Variants in KCNQ1 observed in about 807,000 individuals in gnomAD.
KCNQ1 encodes potassium voltage-gated channel subfamily Q member 1.
In KCNQ1, 49 loss-of-function variants were observed where a neutral mutation model predicts 72.4. The ratio of observed to expected loss-of-function variants is 0.68; its 90% CI spans 0.54 to 0.86. KCNQ1 has a LOEUF of 0.86. Ranked by LOEUF, KCNQ1 falls within the 40% of genes least tolerant of loss-of-function variation. KCNQ1 has a pLI of 0.00. For missense variants in KCNQ1, 790 were observed against 945.1 expected, an observed-to-expected ratio of 0.84 and a Z score of 2.15; for synonymous variants, 450 against 412.6, an observed-to-expected ratio of 1.09 and a Z score of -1.10.
chr11:2,532,592 T>G (rs1247608235), intron 2 of KCNQ1, among the ~76,000 whole-genome samples: 1 of 151,870 alleles, frequency 6.6e-6, no homozygotes, highest in Non-Finnish European at 1.5e-5. Flanking sequence ...GACTGAGGCG[T>G]GGGCTCTGGG....
intron 15 of KCNQ1, among the ~76,000 whole-genome samples, chr11:2,796,416 C>T (rs1013578732): frequency 1.3e-5 from 2 of 152,212 alleles, no homozygotes; most frequent in African/African-American, 4.8e-5. Context: ...AAGCACCCAT[C>T]GCTTTCCTCT....
rs371956290 is a variant in KCNQ1, at chr11:2,572,075, G to A, written c.746G>A (p.Arg249Lys). ...LHVDRQGGTW[R>K]LLGSVVFIHR... is the part of the protein sequence containing the mutation. ...GTCGACCGCCAGGGAGGCACCTGGA[G>A]GCTCCTGGGCTCCGTGGTCTTCATC... Residue 249 changes from arginine (R) to lysine (K), a missense_variant, in exon 5 of 16, where the codon AGG becomes AAG. Physicochemically the swap from Arg to Lys is conservative, Grantham distance 26. Coordinates refer to ENST00000155840, the MANE Select transcript of KCNQ1 (RefSeq NM_000218.3). 2.5e-6 allele frequency: 4 copies of A among 1,612,792 alleles called. No individual in the cohort carries two copies. The highest frequency in any genetic ancestry group is 2.5e-6 in the Non-Finnish European group (3 of 1,179,876).
rs1215839595 is a variant in KCNQ1, at chr11:2,620,882, T to C, written c.1393+32028T>C. On this transcript the variant is annotated intron_variant, in intron 10 of 15. Transcript: ENST00000155840. The surrounding 1 kb of genome is among the most constrained non-coding windows in gnomAD (Gnocchi z 4.5). ...TTTTTTGACTTTTTAATAATTGCCA[T>C]TCTGACTGGTGTGAGATGGCATCCC... The C allele has an allele frequency of 5.0e-6, 2 of 398,586 alleles. No homozygotes were observed. Among genetic ancestry groups the C allele is most frequent in the East Asian group, 7.1e-5 (2 of 28,068 alleles). The allele number at this position is 398,586 out of a possible 1,614,324, so 24.7% of individuals were successfully genotyped here. A position where few individuals can be genotyped will look rare whatever the true frequency, so the allele number is the denominator to read the frequency against.
chr11:2,548,407 G>C (rs1276064374), intron 2 of KCNQ1, among the ~76,000 whole-genome samples: 1 of 152,228 alleles, frequency 6.6e-6, no homozygotes, highest in African/African-American at 2.4e-5. Flanking sequence ...CAGGTTAGTT[G>C]CTGTATTCTG....
chr11:2,523,419 C>T (rs1847427433), intron 1 of KCNQ1, among the ~76,000 whole-genome samples: 2 of 152,152 alleles, frequency 1.3e-5, no homozygotes, highest in Non-Finnish European at 1.5e-5. Context: ...AGACTGGTCT[C>T]GAACTCCTGT....
At chr11:2,718,181 C>T (rs1375192892) in intron 11 of KCNQ1, among the ~76,000 whole-genome samples, 1 of 152,180 alleles carries the variant, frequency 6.6e-6, no homozygotes, top group Non-Finnish European at 1.5e-5. Flanking sequence ...AGCCCAGAGG[C>T]CCTCCCCTGA....
At chr11:2,604,635 C>T (rs1470461396) in intron 10 of KCNQ1, among the ~76,000 whole-genome samples, 1 of 151,848 alleles carries the variant, frequency 6.6e-6, no homozygotes, top group South Asian at 2.1e-4. Context: ...ACCTCTACCT[C>T]CCAGGTTCAA....
At chr11:2,513,593 G>A (rs1278880504) in intron 1 of KCNQ1, among the ~76,000 whole-genome samples, 1 of 152,192 alleles carries the variant, frequency 6.6e-6, no homozygotes, top group African/African-American at 2.4e-5. Flanking sequence ...CCATGCTGGG[G>A]CCTACTGGGA....
In KCNQ1 at chr11:2,592,026, C is replaced by T. The variant is rs1022608269; in HGVS notation, c.1393+3172C>T. 2.6e-5 allele frequency among the ~76,000 whole-genome samples: 4 copies of T among 152,246 alleles called. No individual in the cohort carries two copies. The highest frequency in any genetic ancestry group is 4.4e-5 in the Non-Finnish European group (3 of 68,048). ...CGCAAGGCGGGTACGAACAGCCACACTGAGTCCCCCGCAAAGTCAAACCCA... is the reference window on the plus strand; with the variant it reads ...CGCAAGGCGGGTACGAACAGCCACATTGAGTCCCCCGCAAAGTCAAACCCA... On this transcript the variant is annotated intron_variant, in intron 10 of 15. Transcript: ENST00000155840. The surrounding 1 kb of genome is among the most constrained non-coding windows in gnomAD (Gnocchi z 5.2).
chr11:2,694,494 A>C (rs11023827), intron 11 of KCNQ1: 22,864 of 398,616 alleles, frequency 0.057, 930 homozygotes, highest in Middle Eastern at 0.16. Flanking sequence ...AAGCATTACC[A>C]GTGTGGCTGG....
In KCNQ1 at chr11:2,496,870, G is replaced by A. The variant is rs572089385; in HGVS notation, c.387-31058G>A. 9.2e-5 allele frequency among the ~76,000 whole-genome samples: 3 copies of A among 32,442 alleles called. No homozygotes were observed. In the East Asian group the frequency reaches 2.5e-3, roughly 27 times the overall value. The allele number at this position is 32,442 out of a possible 152,430, so 21.3% of individuals were successfully genotyped here. On this transcript the variant is annotated intron_variant, in intron 1 of 15. Coordinates refer to ENST00000155840, the MANE Select transcript of KCNQ1 (RefSeq NM_000218.3). Reference sequence around the variant, plus strand: ...TGCTTCCTTCAGGAGCTCTTGTAAGGCAAGCCTCAGCATTTGCTTGTTTGG... The same window carrying A: ...TGCTTCCTTCAGGAGCTCTTGTAAGACAAGCCTCAGCATTTGCTTGTTTGG...
intron 15 of KCNQ1, among the ~76,000 whole-genome samples, chr11:2,829,317 A>G (rs185428089): frequency 6.6e-6 from 1 of 152,338 alleles, no homozygotes; most frequent in East Asian, 1.9e-4. Flanking sequence ...CCCAGAAGAA[A>G]AAAAAAATGA....
chr11:2,747,972 G>C (rs1846165770), intron 11 of KCNQ1, among the ~76,000 whole-genome samples: 2 of 152,146 alleles, frequency 1.3e-5, no homozygotes, highest in Non-Finnish European at 2.9e-5. Context: ...AAACAGACCA[G>C]AACCGGCTGC....
chr11:2,744,269 G>A (rs1846102037), intron 11 of KCNQ1, among the ~76,000 whole-genome samples: 1 of 152,250 alleles, frequency 6.6e-6, no homozygotes, highest in Non-Finnish European at 1.5e-5. Context: ...GAGACGATGT[G>A]GCATCGGGAA....
chr11:2,463,991 C>T lies in KCNQ1; in HGVS notation c.386+18507C>T, dbSNP rs901090765. 5.3e-5 allele frequency among the ~76,000 whole-genome samples: 8 copies of T among 152,186 alleles called. No individual in the cohort carries two copies. The highest frequency in any genetic ancestry group is 1.9e-4 in the African/African-American group (8 of 41,454). ...TGGGTCTGGTTTGATAACCGTGGAC[C>T]GGGGTGACAGGCCCTGACTCTGCAG... On this transcript the variant is annotated intron_variant, in intron 1 of 15. Coordinates refer to ENST00000155840, the MANE Select transcript of KCNQ1 (RefSeq NM_000218.3). This position sits in a 1 kb window ranked among gnomAD's most constrained non-coding sequence, Gnocchi z 7.0.
intron 7 of KCNQ1, 102 bp downstream of exon 7, chr11:2,583,647 C>A (rs1848540063): frequency 2.4e-6 from 2 of 828,476 alleles, no homozygotes; most frequent in Non-Finnish European, 4.3e-6. Context: ...ACGTTCAGAA[C>A]CAAGAGGGTG....
Position 2,601,883 on chromosome 11 carries a change from C to A in KCNQ1, c.1393+13029C>A, listed in dbSNP as rs969698128. Among the ~76,000 whole-genome samples the A allele has an allele frequency of 6.6e-6, 1 of 152,152 alleles. No individual in the cohort carries two copies. Among genetic ancestry groups the A allele is most frequent in the African/African-American group, 2.4e-5 (1 of 41,430 alleles). ...CAAATCAGAGTAGGCTGAACAATGG[C>A]CCCCAAAGTAGCCAGGTCCTAACGC... On this transcript the variant is annotated intron_variant, in intron 10 of 15. Coordinates refer to ENST00000155840, the MANE Select transcript of KCNQ1 (RefSeq NM_000218.3). The surrounding 1 kb of genome is among the most constrained non-coding windows in gnomAD (Gnocchi z 5.2).
At chr11:2,684,590 C>T (rs1850452875) in intron 11 of KCNQ1, 1 of 398,674 alleles carries the variant, frequency 2.5e-6, no homozygotes, top group East Asian at 3.6e-5. Context: ...AGGAGAGTGA[C>T]TGTCCTTTGT....
Position 2,690,288 on chromosome 11 carries a change from C to T in KCNQ1, c.1514+28207C>T. ...CTGCATCTGCACATATGTGTAGTGTCTTCCTCCCTGTAGGATTGTCACAAG... is the reference window on the plus strand; with the variant it reads ...CTGCATCTGCACATATGTGTAGTGTTTTCCTCCCTGTAGGATTGTCACAAG... On this transcript the variant is annotated intron_variant, in intron 11 of 15. Coordinates refer to ENST00000155840, the MANE Select transcript of KCNQ1 (RefSeq NM_000218.3). The surrounding 1 kb of genome is among the most constrained non-coding windows in gnomAD (Gnocchi z 5.1). 2.5e-6 allele frequency: 1 copy of T among 398,728 alleles called. No individual in the cohort carries two copies. Among genetic ancestry groups the T allele is most frequent in the Non-Finnish European group, 4.4e-6 (1 of 226,108 alleles). 24.7% of individuals were successfully genotyped at this position (398,728 alleles called of 1,614,324 possible). A position where few individuals can be genotyped will look rare whatever the true frequency, so the allele number is the denominator to read the frequency against.
Sources: gnomAD v4.1 joint callset for allele counts (sites outside exome capture counted in the v4.1 genomes callset) on GRCh38, gnomAD v4.1.1 for gene constraint, Gnocchi (gnomAD v3.1) non-coding constraint, MANE v1.5 for transcripts, NCBI Gene and HGNC (gene_info 2026-07-23, HGNC 2026-07-21) for gene names.